Variants in MTMR3 observed in about 807,000 individuals in gnomAD.
MTMR3 encodes the protein myotubularin related protein 3, also known as phosphatidylinositol-3,5-bisphosphate 3-phosphatase MTMR3.
A neutral mutation model predicts 132.4 loss-of-function variants in MTMR3; 32 were observed. The observed-to-expected ratio is 0.24, with a 90% confidence interval of 0.18 to 0.32. MTMR3 has a LOEUF of 0.32. Ranked by LOEUF, MTMR3 falls within the 10% of genes least tolerant of loss-of-function variation. The pLI is 1.00. For synonymous variants in MTMR3, 556 were observed against 550.3 expected, an observed-to-expected ratio of 1.01 and a Z score of -0.14; for missense variants, 1,216 against 1,489.6, an observed-to-expected ratio of 0.82 and a Z score of 3.02.
Position 30,019,761 on chromosome 22 carries a change from G to C in MTMR3, c.2102G>C (p.Ser701Thr). Residue 701 changes from serine (S) to threonine (T), a missense_variant, in exon 17 of 20, where the codon AGT becomes ACT. Coordinates refer to ENST00000401950, the MANE Select transcript of MTMR3 (RefSeq NM_021090.4). ...NILQEATKEE[S>T]GVEEPAHRAG... is the part of the protein sequence containing the mutation. ...TTGCAGGAGGCCACCAAAGAGGAGA[G>C]TGGAGTAGAGGAACCTGCCCACAGG... 6.2e-7 allele frequency: 1 copy of C among 1,614,256 alleles called. No individual in the cohort carries two copies. The highest frequency in any genetic ancestry group is 8.5e-7 in the Non-Finnish European group (1 of 1,180,036).
chr22:29,927,935 C>CTTTTTT (rs1448628702), intron 1 of MTMR3, among the ~76,000 whole-genome samples: 1 of 108,470 alleles, frequency 9.2e-6, no homozygotes, highest in East Asian at 3.9e-4. Flanking sequence ...AATCTCTAGC[C>CTTTTTT]TTTGTTTTTT....
At chr22:30,008,304 C>T (rs2067320060) in intron 11 of MTMR3, 2 of 317,214 alleles carry the variant, frequency 6.3e-6, no homozygotes, top group Non-Finnish European at 1.2e-5. Flanking sequence ...ATAATAAGAC[C>T]TGTTCATGTT....
Position 30,019,614 on chromosome 22 carries a change from G to T in MTMR3, c.1955G>T (p.Ser652Ile). The T allele has an allele frequency of 1.2e-6, 2 of 1,614,164 alleles. No homozygotes were observed. Among genetic ancestry groups the T allele is most frequent in the Non-Finnish European group, 1.7e-6 (2 of 1,180,042 alleles). The change falls in exon 17 of 20, where the codon AGC becomes ATC. Residue 652 changes from serine (S) to isoleucine (I), a missense_variant. This residue lies in a region of MTMR3 where 852 missense variants were observed against 852.0 expected (regional missense o/e 1.00). Coordinates refer to ENST00000401950, the MANE Select transcript of MTMR3 (RefSeq NM_021090.4). ...QEHRRSLELS[S>I]LAGPGEDPLS... ...CACCGGCGCTCACTAGAGCTGAGCA[G>T]CCTGGCTGGCCCTGGAGAGGATCCC...
In MTMR3 at chr22:29,925,948, A is replaced by G. The variant is rs1346944638; in HGVS notation, c.-137-31088A>G. On this transcript the variant is annotated intron_variant, in intron 1 of 19. Coordinates refer to ENST00000401950, the MANE Select transcript of MTMR3 (RefSeq NM_021090.4). ...AAATAAAATAAAAATAAAGTATACA[A>G]TGTAATGATTTTGGGCATGTTCAGA... Among the ~76,000 whole-genome samples, 5 of 152,140 alleles carry G rather than the reference A, an allele frequency of 3.3e-5. No homozygotes were observed. In the South Asian group the frequency reaches 6.2e-4, roughly 19 times the overall value.
intron 1 of MTMR3, among the ~76,000 whole-genome samples, chr22:29,897,621 T>A (rs2064928124): frequency 6.6e-6 from 1 of 151,666 alleles, no homozygotes; most frequent in Non-Finnish European, 1.5e-5. Context: ...CCCGGCTAAT[T>A]TTCTTATTTT....
intron 1 of MTMR3, among the ~76,000 whole-genome samples, chr22:29,913,656 A>AATTGCTAAGT (rs1425703683): frequency 6.6e-6 from 1 of 151,692 alleles, no homozygotes; most frequent in Non-Finnish European, 1.5e-5. Context: ...TGTTCCATTT[A>AATTGCTAAGT]ATTGCTAAGT....
At chr22:30,013,184 A>G in intron 13 of MTMR3, 172 bp from the exon 14 acceptor site, 3 of 515,902 alleles carry the variant, frequency 5.8e-6, no homozygotes, top group Middle Eastern at 5.4e-4. Context: ...GGAATTGGGA[A>G]ATTTCCCTAA....
intron 2 of MTMR3, among the ~76,000 whole-genome samples, chr22:29,968,402 G>A (rs562579282): frequency 6.6e-6 from 1 of 152,258 alleles, no homozygotes; most frequent in South Asian, 2.1e-4. Context: ...AATATCTTTT[G>A]TGTAATATTA....
At chr22:29,906,596 G>A (rs775623757) in intron 1 of MTMR3, among the ~76,000 whole-genome samples, 1 of 151,566 alleles carries the variant, frequency 6.6e-6, no homozygotes, top group Non-Finnish European at 1.5e-5. Flanking sequence ...TCGGCCTCCC[G>A]AAGTGCTGGG....
intron 8 of MTMR3, chr22:29,999,599 T>A (rs2067127547): frequency 2.0e-5 from 3 of 152,090 alleles, no homozygotes; most frequent in Admixed American, 2.0e-4. Context: ...ACTCAAAGTT[T>A]TGGATTTTGG....
chr22:29,934,106 G>A (rs113048784), intron 1 of MTMR3, among the ~76,000 whole-genome samples: 4,950 of 152,260 alleles, frequency 0.033, 282 homozygotes, highest in African/African-American at 0.11. Flanking sequence ...TGTAATTCCA[G>A]CACTTTGGGA....
intron 1 of MTMR3, among the ~76,000 whole-genome samples, chr22:29,883,670 G>T (rs60573683): frequency 0.033 from 4,954 of 152,230 alleles, 281 homozygotes; most frequent in African/African-American, 0.11. Context: ...GGGCCCGTGC[G>T]GCTCTGGGTG....
chr22:29,973,515 T>G (rs923489788), intron 3 of MTMR3, among the ~76,000 whole-genome samples: 10 of 152,254 alleles, frequency 6.6e-5, no homozygotes, highest in Non-Finnish European at 1.2e-4. Context: ...GATAATTATT[T>G]TCACTTCTAC....
At chr22:29,914,020 G>T (rs779322273) in intron 1 of MTMR3, among the ~76,000 whole-genome samples, 1 of 152,110 alleles carries the variant, frequency 6.6e-6, no homozygotes, top group African/African-American at 2.4e-5. Flanking sequence ...AAAGTGCTGG[G>T]ATTACAGGCA....
chr22:29,893,266 C>T (rs1156318049), intron 1 of MTMR3, among the ~76,000 whole-genome samples: 2 of 152,210 alleles, frequency 1.3e-5, no homozygotes, highest in Non-Finnish European at 2.9e-5. Flanking sequence ...CAACCTTTCA[C>T]ATATCCCTTT....
chr22:29,978,846 A>G (rs907593551), intron 4 of MTMR3, 90 bp from the exon 5 acceptor site: 1 of 951,868 alleles, frequency 1.1e-6, no homozygotes, highest in Non-Finnish European at 1.7e-6. Context: ...TCAGTGGCAG[A>G]GGATTTACCA....
At chr22:29,946,085 A>T (rs1315533029) in intron 1 of MTMR3, among the ~76,000 whole-genome samples, 1 of 151,956 alleles carries the variant, frequency 6.6e-6, no homozygotes, top group Non-Finnish European at 1.5e-5. Context: ...TTGAGAGTCA[A>T]TTTGATGGAA....
chr22:29,934,300 G>A lies in MTMR3; in HGVS notation c.-137-22736G>A, dbSNP rs190667024. On this transcript the variant is annotated intron_variant, in intron 1 of 19. Coordinates refer to ENST00000401950, the MANE Select transcript of MTMR3 (RefSeq NM_021090.4). ...ACCTGGGAGGCGGGGCTTGCAGTGA[G>A]CTGAGATCGTGCCACTGCACTCCAG... Among the ~76,000 whole-genome samples the A allele has an allele frequency of 4.5e-3, 682 of 152,246 alleles. 6 individuals are homozygous for A. Among genetic ancestry groups the A allele is most frequent in the African/African-American group, 0.016 (644 of 41,538 alleles).
At chr22:29,885,920 G>A (rs2064668098) in intron 1 of MTMR3, among the ~76,000 whole-genome samples, 1 of 152,154 alleles carries the variant, frequency 6.6e-6, no homozygotes, top group South Asian at 2.1e-4. Flanking sequence ...GGAAGAAAAT[G>A]TTGTTACAAT....
Sources: gnomAD v4.1 joint callset for allele counts (sites outside exome capture counted in the v4.1 genomes callset) on GRCh38, gnomAD v4.1.1 for gene constraint, gnomAD v4.1.1 regional missense constraint, MANE v1.5 for transcripts, NCBI Gene and HGNC (gene_info 2026-07-23, HGNC 2026-07-21) for gene names.